WDR86: variants seen among roughly 807,000 people sequenced by gnomAD.
The protein encoded by WDR86 is WD repeat-containing protein 86.
A neutral mutation model predicts 36.5 loss-of-function variants in WDR86; 30 were observed. The observed-to-expected ratio is 0.82, with a 90% CI of 0.61 to 1.11. The LOEUF (loss-of-function observed/expected upper bound fraction) is 1.11, where lower values mean the gene tolerates loss of function less well. Ranked by LOEUF, WDR86 falls within the 50% of genes most tolerant of loss-of-function variation. WDR86 has a pLI of 0.00. For missense variants in WDR86, 545 were observed against 561.2 expected (o/e 0.97, Z 0.29); for synonymous variants, 255 against 252.9 (o/e 1.01, Z -0.08).
At chr7:151,398,170 G>C (rs1408728801) in intron 2 of WDR86, among the ~76,000 whole-genome samples, 2 of 152,058 alleles carry the variant, frequency 1.3e-5, no homozygotes, top group Non-Finnish European at 2.9e-5. Flanking sequence ...ATGTGTGCCT[G>C]CATGTACTTT....
chr7:151,381,448 G>T lies in WDR86; in HGVS notation c.*134C>A. On this transcript the variant is annotated 3_prime_UTR_variant, in exon 6 of 6. Transcript: ENST00000334493. The surrounding 1 kb of genome is among the most constrained non-coding windows in gnomAD (Gnocchi z 4.8). Reference sequence around the variant, plus strand: ...AAAGAAAAACCAGACGCCTGCGACGGGCTCTCCTCCCGCCCGGGCTTCCTC... The same window carrying T: ...AAAGAAAAACCAGACGCCTGCGACGTGCTCTCCTCCCGCCCGGGCTTCCTC... The T allele has an allele frequency of 2.0e-6, 3 of 1,491,946 alleles. No individual in the cohort carries two copies. The highest frequency in any genetic ancestry group is 2.7e-6 in the Non-Finnish European group (3 of 1,128,670). 92.4% of individuals were successfully genotyped at this position (1,491,946 alleles called of 1,614,324 possible).
chr7:151,382,123 G>T, intron 4 of WDR86, 142 bp from the exon 5 acceptor site: 1 of 692,190 alleles, frequency 1.4e-6, no homozygotes, highest in Non-Finnish European at 2.4e-6. Context: ...GAAGTGGACA[G>T]TGCCCCTCCA....
rs1456412286 is a variant in WDR86, at chr7:151,406,301, G to A, written c.163+3126C>T. Reference sequence around the variant, plus strand: ...ACTCTTCCTCTCCCTCTCACCCTTTGGCCCAAACTTTCCTAAGCTCTGCGA... The same window carrying A: ...ACTCTTCCTCTCCCTCTCACCCTTTAGCCCAAACTTTCCTAAGCTCTGCGA... On this transcript the variant is annotated intron_variant, in intron 1 of 5. Coordinates refer to ENST00000334493, the MANE Select transcript of WDR86 (RefSeq NM_198285.3). The surrounding 1 kb of genome is among the most constrained non-coding windows in gnomAD (Gnocchi z 4.4). Among the ~76,000 whole-genome samples, 1 of 152,078 alleles carries A rather than the reference G, an allele frequency of 6.6e-6. No individual in the cohort carries two copies. Among genetic ancestry groups the A allele is most frequent in the Non-Finnish European group, 1.5e-5 (1 of 68,012 alleles).
At chr7:151,369,131 C>CTGAG in the WDR86 span, 3 of 309,320 alleles carry the variant, frequency 9.7e-6, no homozygotes, top group Non-Finnish European at 1.8e-5. Context: ...CCTCAGCCTC[C>CTGAG]TGAGTAGCTG....
At chr7:151,382,308 C>A (rs2150744393) in intron 4 of WDR86, among the ~76,000 whole-genome samples, 1 of 152,318 alleles carries the variant, frequency 6.6e-6, no homozygotes, top group Middle Eastern at 3.4e-3. Flanking sequence ...GTCAGGTCCT[C>A]GAGTCGCTTC....
intron 3 of WDR86, among the ~76,000 whole-genome samples, chr7:151,389,095 T>G (rs919513443): frequency 3.3e-5 from 5 of 150,116 alleles, no homozygotes; most frequent in African/African-American, 1.2e-4. Context: ...AAAGGTATTC[T>G]GCACCTTTTT....
In WDR86 at chr7:151,405,879, G is replaced by C. The variant is rs1043498262; in HGVS notation, c.163+3548C>G. 6.6e-6 allele frequency among the ~76,000 whole-genome samples: 1 copy of C among 152,196 alleles called. No homozygotes were observed. On this transcript the variant is annotated intron_variant, in intron 1 of 5. Coordinates refer to ENST00000334493, the MANE Select transcript of WDR86 (RefSeq NM_198285.3). The surrounding 1 kb of genome is among the most constrained non-coding windows in gnomAD (Gnocchi z 4.7). The stretch of plus-strand genomic sequence containing the variant: ...CCCTCATGTTAGAAGACGAGGAAGC[G>C]TGTGGGACAGCCACAGTGGGCTGCC...
At chr7:151,402,089 A>ATATATATATATATATATATATC (rs1213348920) in intron 1 of WDR86, among the ~76,000 whole-genome samples, 1 of 124,310 alleles carries the variant, frequency 8.0e-6, no homozygotes, top group Non-Finnish European at 1.7e-5. Context: ...ATATATATAT[A>ATATATATATATATATATATATC]TATCTCCACA....
chr7:151,375,928 G>A (rs773425506), exon 2 of WDR86: 1 of 1,611,354 alleles, frequency 6.2e-7, no homozygotes, highest in South Asian at 1.1e-5. Context: ...GTCCTTCCCA[G>A]GAAAACATTG....
intron 4 of WDR86, among the ~76,000 whole-genome samples, chr7:151,382,657 G>A (rs1460026807): frequency 6.6e-6 from 1 of 152,256 alleles, no homozygotes; most frequent in Non-Finnish European, 1.5e-5. Flanking sequence ...TGATGCTGCT[G>A]CTAGTCAGGA....
At chr7:151,404,413 C>T (rs551339495) in intron 1 of WDR86, among the ~76,000 whole-genome samples, 44 of 152,288 alleles carry the variant, frequency 2.9e-4, no homozygotes, top group Middle Eastern at 3.4e-3. Flanking sequence ...AAGTGAGTCA[C>T]GGGTCAGAGC....
In WDR86 at chr7:151,381,911, G is replaced by A. The variant is rs1798612682; in HGVS notation, c.933C>T (p.Phe311=). The change falls in exon 5 of 6, where the codon TTC becomes TTT. Residue 311 remains phenylalanine (F), a synonymous_variant. Transcript: ENST00000334493. This position sits in a 1 kb window ranked among gnomAD's most constrained non-coding sequence, Gnocchi z 4.8. ...DAQSGELRRV[F]RGHTFIINCI... ...AGTTGATGATGAATGTGTGGCCCCG[G>A]AACACCCTCCGCAGCTCTCCAGACT... The A allele has an allele frequency of 1.9e-6, 3 of 1,610,488 alleles. No homozygotes were observed. Among genetic ancestry groups the A allele is most frequent in the Non-Finnish European group, 2.5e-6 (3 of 1,178,792 alleles).
chr7:151,377,023 T>TA, downstream of WDR86: 1 of 1,511,554 alleles, frequency 6.6e-7, no homozygotes, highest in African/African-American at 1.4e-5. Context: ...ATAATTCACT[T>TA]ACTCCTGCGG....
the WDR86 span, among the ~76,000 whole-genome samples, chr7:151,369,939 G>A: frequency 6.6e-6 from 1 of 152,154 alleles, no homozygotes; most frequent in Non-Finnish European, 1.5e-5. Context: ...GAGTGGATTC[G>A]TGGGTTCATT....
At position 151,409,318 on chromosome 7, in the gene WDR86, G is replaced by T; in HGVS notation, c.163+109C>A. On this transcript the variant is annotated intron_variant, in intron 1 of 5. Transcript: ENST00000334493. The surrounding 1 kb of genome is among the most constrained non-coding windows in gnomAD (Gnocchi z 5.2). ...CTCTTCCGCTAGTGTGCCGGGATGA[G>T]CGGGGGCTGGACTTCTAGAAAGGGG... 1 of 1,479,360 alleles carries T rather than the reference G, an allele frequency of 6.8e-7. No homozygotes were observed. Among genetic ancestry groups the T allele is most frequent in the Non-Finnish European group, 9.2e-7 (1 of 1,089,868 alleles). The allele number at this position is 1,479,360 out of a possible 1,614,324, so 91.6% of individuals were successfully genotyped here.
intron 3 of WDR86, among the ~76,000 whole-genome samples, chr7:151,391,930 C>T (rs185652270): frequency 2.9e-3 from 449 of 152,286 alleles, no homozygotes; most frequent in Admixed American, 4.1e-3. Flanking sequence ...AGCCACCAGG[C>T]CTTCCTAGTG....
chr7:151,376,730 G>A (rs375777780), downstream of WDR86: 50 of 1,604,730 alleles, frequency 3.1e-5, no homozygotes, highest in African/African-American at 1.3e-4. Flanking sequence ...TGCTCACAAC[G>A]GAGGAAGCCT....
At chr7:151,393,637 C>T (rs190718594) in intron 3 of WDR86, among the ~76,000 whole-genome samples, 21 of 152,276 alleles carry the variant, frequency 1.4e-4, no homozygotes, top group Non-Finnish European at 2.4e-4. Flanking sequence ...ACTCCTGGCC[C>T]CTTCCCCTCC....
chr7:151,394,422 C>T (rs1039060850), intron 3 of WDR86, among the ~76,000 whole-genome samples: 7 of 152,338 alleles, frequency 4.6e-5, no homozygotes, highest in Non-Finnish European at 1.0e-4. Context: ...CTGACTCCAG[C>T]CCCGTCACCC....
Sources: gnomAD v4.1 joint callset for allele counts (sites outside exome capture counted in the v4.1 genomes callset) on GRCh38, gnomAD v4.1.1 for gene constraint, Gnocchi (gnomAD v3.1) non-coding constraint, MANE v1.5 for transcripts, NCBI Gene and HGNC (gene_info 2026-07-23, HGNC 2026-07-21) for gene names.